RABL2B: variants seen among roughly 807,000 people sequenced by gnomAD.
RABL2B encodes rab-like protein 2B.
A neutral mutation model predicts 26.7 loss-of-function variants in RABL2B; 17 were observed. That is an observed-to-expected ratio of 0.64 (90% CI 0.44 to 0.95). The LOEUF is 0.95. Ranked by LOEUF, RABL2B falls within the 40% of genes least tolerant of loss-of-function variation. The pLI is 0.00. For missense variants in RABL2B, 170 were observed against 277.2 expected (o/e 0.61, Z 2.75); for synonymous variants, 70 against 103.9 (o/e 0.67, Z 1.99).
At chr22:50,775,315 A>C (rs1413409571) in intron 5 of RABL2B, among the ~76,000 whole-genome samples, 2 of 152,162 alleles carry the variant, frequency 1.3e-5, no homozygotes, top group East Asian at 3.9e-4. Context: ...CCTGGGCAAC[A>C]CAATGGGAGG....
Position 50,769,510 on chromosome 22 carries a change from T to C in RABL2B, c.452A>G (p.Lys151Arg). ...VTQKSFNFAK[K>R]FSLPLYFVSA... Reference sequence around the variant, plus strand: ...GACGAAATACAGGGGCAGGGAGAACTTCTTGGCAAAATTGAAGCTTTTTTG... The same window carrying C: ...GACGAAATACAGGGGCAGGGAGAACCTCTTGGCAAAATTGAAGCTTTTTTG... Residue 151 changes from lysine to arginine, a missense_variant, in exon 7 of 9, where the codon AAG becomes AGG. Coordinates refer to ENST00000691320, the MANE Select transcript of RABL2B (RefSeq NM_001130919.3). The C allele has an allele frequency of 6.2e-7, 1 of 1,612,738 alleles. No homozygotes were observed. The highest frequency in any genetic ancestry group is 8.5e-7 in the Non-Finnish European group (1 of 1,179,518).
chr22:50,780,555 AT>A (rs1359201147), intron 2 of RABL2B: 1 of 400,564 alleles, frequency 2.5e-6, no homozygotes, highest in Non-Finnish European at 5.2e-6. Context: ...GACACTGAAA[AT>A]TGGCAGTAAT....
At chr22:50,772,311 G>A (rs1368591980) in intron 5 of RABL2B, 19 of 984,450 alleles carry the variant, frequency 1.9e-5, no homozygotes, top group Non-Finnish European at 2.3e-5. Context: ...TTAAAGGCAT[G>A]AGTCACCGCG....
intron 2 of RABL2B, among the ~76,000 whole-genome samples, chr22:50,780,436 C>G (rs1290551165): frequency 2.2e-5 from 3 of 135,844 alleles, no homozygotes; most frequent in African/African-American, 8.3e-5. Flanking sequence ...GGGTCTTGCT[C>G]TGTCACTAGG....
intron 4 of RABL2B, among the ~76,000 whole-genome samples, 183 bp downstream of exon 4, chr22:50,776,487 C>G (rs1444539641): frequency 6.6e-6 from 1 of 152,234 alleles, no homozygotes; most frequent in Admixed American, 6.5e-5. Context: ...GACTTGGCCC[C>G]TGCATGCCCC....
chr22:50,775,436 G>A (rs532267553), intron 5 of RABL2B, among the ~76,000 whole-genome samples: 6 of 152,282 alleles, frequency 3.9e-5, no homozygotes, highest in African/African-American at 9.6e-5. Flanking sequence ...AACAGTGGAG[G>A]GAGGCCTTGG....
intron 5 of RABL2B, chr22:50,771,249 G>C (rs1229381719): frequency 5.3e-5 from 8 of 151,798 alleles, no homozygotes; most frequent in Admixed American, 4.6e-4. Context: ...TGCCATGTTG[G>C]CCAGGCTGGT....
At chr22:50,781,357 A>C (rs1170072290) in intron 2 of RABL2B, among the ~76,000 whole-genome samples, 2 of 151,508 alleles carry the variant, frequency 1.3e-5, no homozygotes, top group East Asian at 3.9e-4. Context: ...AAAAAAAAAA[A>C]AAAAACTAAA....
chr22:50,777,168 G>A (rs2085117835), intron 3 of RABL2B, among the ~76,000 whole-genome samples: 1 of 152,198 alleles, frequency 6.6e-6, no homozygotes, highest in African/African-American at 2.4e-5. Context: ...AAGCCATACA[G>A]CTGACAAGCT....
At chr22:50,773,492 A>G (rs1401175022) in intron 5 of RABL2B, among the ~76,000 whole-genome samples, 1 of 152,018 alleles carries the variant, frequency 6.6e-6, no homozygotes, top group African/African-American at 2.4e-5. Flanking sequence ...AGCATCCTGC[A>G]CACGTGCATC....
chr22:50,769,452 C>T lies in RABL2B; in HGVS notation c.507+3G>A. 1 of 1,612,348 alleles carries T rather than the reference C, an allele frequency of 6.2e-7. No homozygotes were observed. The highest frequency in any genetic ancestry group is 1.1e-5 in the South Asian group (1 of 91,030). The stretch of plus-strand genomic sequence containing the variant: ...TGCTAGCTACCTCTGCAGTCAACCA[C>T]ACCTTCACAACATTGGTACCATCAG... On this transcript the variant is annotated splice_donor_region_variant and intron_variant, in intron 7 of 8. Transcript: ENST00000691320.
chr22:50,779,077 A>G (rs1295852968), intron 2 of RABL2B, among the ~76,000 whole-genome samples: 1 of 151,194 alleles, frequency 6.6e-6, no homozygotes, highest in Non-Finnish European at 1.5e-5. Context: ...GAGAGGGCAC[A>G]TGCTCAGAAA....
chr22:50,768,589 G>C lies in RABL2B; in HGVS notation c.*187C>G. ...GATCTGGTGGGGAATTCTTCCACCA[G>C]TCCAGAGTTTGCTGGTGCTGACCTC... On this transcript the variant is annotated 3_prime_UTR_variant, in exon 9 of 9. Coordinates refer to ENST00000691320, the MANE Select transcript of RABL2B (RefSeq NM_001130919.3). 1 of 1,389,528 alleles carries C rather than the reference G, an allele frequency of 7.2e-7. No homozygotes were observed. The allele number at this position is 1,389,528 out of a possible 1,614,324, so 86.1% of individuals were successfully genotyped here. A position where few individuals can be genotyped will look rare whatever the true frequency, so the allele number is the denominator to read the frequency against.
chr22:50,772,962 C>G, intron 5 of RABL2B: 1 of 1,283,924 alleles, frequency 7.8e-7, no homozygotes, highest in Non-Finnish European at 1.0e-6. Flanking sequence ...AAGGCAAGTG[C>G]TTTCTACTCG....
intron 2 of RABL2B, among the ~76,000 whole-genome samples, chr22:50,778,486 G>T (rs533283088): frequency 1.3e-5 from 2 of 151,976 alleles, no homozygotes; most frequent in African/African-American, 4.8e-5. Flanking sequence ...AGGAGGCTGA[G>T]ACAGGAGAAT....
rs371609296 is a variant in RABL2B, at chr22:50,777,937, A to C, written c.137+15T>G. 4 of 1,614,076 alleles carry C rather than the reference A, an allele frequency of 2.5e-6. No homozygotes were observed. In the African/African-American group the frequency reaches 5.3e-5, roughly 22 times the overall value. On this transcript the variant is annotated intron_variant, in intron 3 of 8. Coordinates refer to ENST00000691320, the MANE Select transcript of RABL2B (RefSeq NM_001130919.3). ...ACCCACAGGAACAAGGGGTACTTCA[A>C]ACCTTGAAGGATACAAGCCATCCAT...
At position 50,775,809 on chromosome 22, in the gene RABL2B, T is replaced by G. The variant is rs781978579; in HGVS notation, c.260A>C (p.His87Pro). Residue 87 changes from histidine (H) to proline (P), a missense_variant, in exon 5 of 9, where the codon CAT becomes CCT. His to Pro is a moderately conservative substitution (Grantham distance 77). This residue lies in a region of RABL2B where 165 missense variants were observed against 232.0 expected (regional missense o/e 0.71). Transcript: ENST00000691320. Reference protein sequence around the residue: ...TAGQERFQSMHASYYHKAHAC... With the variant: ...TAGQERFQSMPASYYHKAHAC... ...GTGGGCCTTGTGGTAGTAGGAGGCA[T>G]GCATGCTCTGGAACCGCTCCTGGCC... 6.2e-7 allele frequency: 1 copy of G among 1,614,192 alleles called. No homozygotes were observed. Among genetic ancestry groups the G allele is most frequent in the Admixed American group, 1.7e-5 (1 of 60,022 alleles).
intron 2 of RABL2B, chr22:50,780,738 G>A (rs2085696716): frequency 2.1e-6 from 1 of 470,546 alleles, no homozygotes; most frequent in African/African-American, 2.0e-5. Context: ...CCAATGTTAT[G>A]GTAATCTTTG....
intron 7 of RABL2B, 158 bp from the exon 8 acceptor site, chr22:50,769,282 A>T (rs2083783793): frequency 2.7e-6 from 3 of 1,105,612 alleles, no homozygotes; most frequent in Non-Finnish European, 3.9e-6. Flanking sequence ...TGTATGGTCA[A>T]TGGACTTCTG....
Sources: allele counts gnomAD v4.1 joint callset (sites outside exome capture counted in the v4.1 genomes callset), GRCh38; gene constraint gnomAD v4.1.1; regional missense constraint gnomAD v4.1.1; transcripts MANE v1.5; gene names NCBI Gene and HGNC (gene_info 2026-07-23, HGNC 2026-07-21).